Variants in GSX1 observed in about 807,000 individuals in gnomAD.
The protein encoded by GSX1 is GS homeo box protein 1.
A neutral mutation model predicts 17.7 loss-of-function variants in GSX1; 13 were observed. The ratio of observed to expected loss-of-function variants is 0.74; its 90% CI spans 0.48 to 1.17. GSX1 has a LOEUF of 1.17. Ranked by LOEUF, GSX1 falls within the 50% of genes most tolerant of loss-of-function variation. The probability of loss-of-function intolerance (pLI) is 0.00; values close to 1 mark genes in which losing one functional copy is unlikely to be tolerated. For synonymous variants in GSX1, 202 were observed against 176.2 expected (o/e 1.15, Z -1.16); for missense variants, 371 against 372.1 (o/e 1.00, Z 0.02).
At position 27,792,848 on chromosome 13, in the gene GSX1, G is replaced by A. The variant is rs993693093; in HGVS notation, c.158G>A (p.Gly53Glu). 3 of 1,517,412 alleles carry A rather than the reference G, an allele frequency of 2.0e-6. No homozygotes were observed. The highest frequency in any genetic ancestry group is 2.6e-6 in the Non-Finnish European group (3 of 1,139,654). The allele number at this position is 1,517,412 out of a possible 1,614,324, so 94.0% of individuals were successfully genotyped here. A position where few individuals can be genotyped will look rare whatever the true frequency, so the allele number is the denominator to read the frequency against. The change falls in exon 1 of 2, where the codon GGG (glycine) becomes GAG (glutamate). Residue 53 changes from glycine (G) to glutamate (E), a missense_variant. Coordinates refer to ENST00000302945, the MANE Select transcript of GSX1 (RefSeq NM_145657.3). ...SPGACHARKA[G>E]LLCVCPLCVT... is the part of the protein sequence containing the mutation. ...GGCGCCTGCCACGCGCGCAAGGCTG[G>A]GCTGCTGTGCGTGTGCCCGCTCTGC...
chr13:27,792,667 G>A lies in GSX1; in HGVS notation c.-24G>A. On this transcript the variant is annotated 5_prime_UTR_variant, in exon 1 of 2. Transcript: ENST00000302945. The stretch of plus-strand genomic sequence containing the variant: ...GGTGGGCGCAGAGGGCGGGCTGGCT[G>A]CGGGGCGACCGCGCGCCGGGGCCAT... 7.4e-7 allele frequency: 1 copy of A among 1,358,560 alleles called. No individual in the cohort carries two copies. Among genetic ancestry groups the A allele is most frequent in the Non-Finnish European group, 9.4e-7 (1 of 1,063,868 alleles). The allele number at this position is 1,358,560 out of a possible 1,614,324, so 84.2% of individuals were successfully genotyped here.
Position 27,793,975 on chromosome 13 carries a change from C to T in GSX1, c.*27C>T, listed in dbSNP as rs200605808. ...CGCGTGTCTCCCTAGGTCGCCCACC[C>T]CAAGACCTCCCTGCGCCTCGGAGAC... On this transcript the variant is annotated 3_prime_UTR_variant, in exon 2 of 2. Transcript: ENST00000302945. The surrounding 1 kb of genome is among the most constrained non-coding windows in gnomAD (Gnocchi z 6.2). The T allele has an allele frequency of 8.6e-6, 13 of 1,520,084 alleles. No homozygotes were observed. The highest frequency in any genetic ancestry group is 1.1e-5 in the Non-Finnish European group (12 of 1,136,146). The allele number at this position is 1,520,084 out of a possible 1,614,324, so 94.2% of individuals were successfully genotyped here.
chr13:27,794,009 G>T lies in GSX1; in HGVS notation c.*61G>T, dbSNP rs1957084854. 1.3e-5 allele frequency: 20 copies of T among 1,498,614 alleles called. No individual in the cohort carries two copies. Among genetic ancestry groups the T allele is most frequent in the Non-Finnish European group, 1.3e-5 (15 of 1,124,298 alleles). 92.8% of individuals were successfully genotyped at this position (1,498,614 alleles called of 1,614,324 possible). On this transcript the variant is annotated 3_prime_UTR_variant, in exon 2 of 2. Transcript: ENST00000302945. ...CCCTGCGCCTCGGAGACTAGTCCTG[G>T]GACTCAGCGCTGATTCCCAGGCACC...
Position 27,793,778 on chromosome 13 carries a change from A to AAGG in GSX1, c.625_626insAGG (p.Ser209delinsLysGly). ...GAAGCACAAGAAGGAGGGCAAGGGCAGCAACCATCGTGGCGGCGGCGGCGG... is the reference window on the plus strand; with the variant it reads ...GAAGCACAAGAAGGAGGGCAAGGGCAAGGGCAACCATCGTGGCGGCGGCGGCGG... On this transcript the variant is annotated protein_altering_variant, in exon 2 of 2. Coordinates refer to ENST00000302945, the MANE Select transcript of GSX1 (RefSeq NM_145657.3). This position sits in a 1 kb window ranked among gnomAD's most constrained non-coding sequence, Gnocchi z 6.2. The AAGG allele has an allele frequency of 6.2e-7, 1 of 1,614,122 alleles. No homozygotes were observed.
Position 27,792,615 on chromosome 13 carries a change from G to A in GSX1, c.-76G>A, listed in dbSNP as rs963462265. 3.2e-6 allele frequency: 4 copies of A among 1,235,596 alleles called. No individual in the cohort carries two copies. Among genetic ancestry groups the A allele is most frequent in the African/African-American group, 3.2e-5 (2 of 62,940 alleles). 76.5% of individuals were successfully genotyped at this position (1,235,596 alleles called of 1,614,324 possible). A position where few individuals can be genotyped will look rare whatever the true frequency, so the allele number is the denominator to read the frequency against. ...GCAGCTGCGGGATACCGCGGCCAGGGAAAGCGCGTGGAGAGCCGAAAGGTG... is the reference window on the plus strand; with the variant it reads ...GCAGCTGCGGGATACCGCGGCCAGGAAAAGCGCGTGGAGAGCCGAAAGGTG... On this transcript the variant is annotated 5_prime_UTR_variant, in exon 1 of 2. Transcript: ENST00000302945.
Position 27,793,391 on chromosome 13 carries a change from A to G in GSX1, c.413-175A>G. The stretch of plus-strand genomic sequence containing the variant: ...TTCCAGGGCTGCATGACTCCGGGAG[A>G]ATCAGGATCTCGGAGCTGGACAAGG... On this transcript the variant is annotated intron_variant, in intron 1 of 1. Coordinates refer to ENST00000302945, the MANE Select transcript of GSX1 (RefSeq NM_145657.3). The surrounding 1 kb of genome is among the most constrained non-coding windows in gnomAD (Gnocchi z 6.2). 6.6e-6 allele frequency among the ~76,000 whole-genome samples: 1 copy of G among 152,026 alleles called. No individual in the cohort carries two copies.
Position 27,793,041 on chromosome 13 carries a change from C to T in GSX1, c.351C>T (p.Ala117=), listed in dbSNP as rs1038615850. 2 of 1,587,654 alleles carry T rather than the reference C, an allele frequency of 1.3e-6. No homozygotes were observed. The highest frequency in any genetic ancestry group is 1.7e-6 in the Non-Finnish European group (2 of 1,174,506). The change falls in exon 1 of 2, where the codon GCC becomes GCT. Residue 117 remains alanine, a synonymous_variant. Coordinates refer to ENST00000302945, the MANE Select transcript of GSX1 (RefSeq NM_145657.3). The surrounding 1 kb of genome is among the most constrained non-coding windows in gnomAD (Gnocchi z 6.2). ...GCCCGGCCGCCGCTGCTGCTGCCGC[C>T]GCGCTCTACCAGACCTCCTACCCGC... ...AHGPAAAAAA[A]ALYQTSYPLP...
At position 27,792,669 on chromosome 13, in the gene GSX1, G is replaced by C. The variant is rs910456597; in HGVS notation, c.-22G>C. ...TGGGCGCAGAGGGCGGGCTGGCTGCGGGGCGACCGCGCGCCGGGGCCATGC... is the reference window on the plus strand; with the variant it reads ...TGGGCGCAGAGGGCGGGCTGGCTGCCGGGCGACCGCGCGCCGGGGCCATGC... On this transcript the variant is annotated 5_prime_UTR_variant, in exon 1 of 2. Coordinates refer to ENST00000302945, the MANE Select transcript of GSX1 (RefSeq NM_145657.3). The C allele has an allele frequency of 4.2e-5, 57 of 1,358,358 alleles. No homozygotes were observed. The highest frequency in any genetic ancestry group is 5.2e-5 in the Non-Finnish European group (55 of 1,063,566). The allele number at this position is 1,358,358 out of a possible 1,614,324, so 84.1% of individuals were successfully genotyped here. A position where few individuals can be genotyped will look rare whatever the true frequency, so the allele number is the denominator to read the frequency against.
At position 27,794,324 on chromosome 13, in the gene GSX1, C is replaced by T. The variant is rs1045383593; in HGVS notation, c.*376C>T. On this transcript the variant is annotated 3_prime_UTR_variant, in exon 2 of 2. Transcript: ENST00000302945. ...CTTGGGCTTCCTCGCTTACTCTACT[C>T]TCCTCCGCTCTCGGTCAAGGTCGGC... is the stretch of plus-strand genomic sequence containing the variant. The T allele has an allele frequency of 5.0e-6, 1 of 199,760 alleles. No homozygotes were observed. Among genetic ancestry groups the T allele is most frequent in the East Asian group, 1.1e-4 (1 of 8,722 alleles). The allele number at this position is 199,760 out of a possible 1,614,324, so 12.4% of individuals were successfully genotyped here.
In GSX1 at chr13:27,793,543, C is replaced by A; in HGVS notation, c.413-23C>A. The A allele has an allele frequency of 6.3e-7, 1 of 1,593,732 alleles. No homozygotes were observed. The highest frequency in any genetic ancestry group is 1.1e-5 in the South Asian group (1 of 87,932). ...CACAGCACAGAGGTCTGATCGCTTC[C>A]TTCTCTGCTCTGCCACCTCCAGACA... On this transcript the variant is annotated intron_variant, in intron 1 of 1. Coordinates refer to ENST00000302945, the MANE Select transcript of GSX1 (RefSeq NM_145657.3). This position sits in a 1 kb window ranked among gnomAD's most constrained non-coding sequence, Gnocchi z 6.2.
rs867334741 is a variant in GSX1 at position 27,793,811 on chromosome 13, G to A, written c.658G>A (p.Gly220Ser). The change falls in exon 2 of 2, where the codon GGT becomes AGT. Residue 220 changes from glycine (G) to serine (S), a missense_variant. Physicochemically the swap from Gly to Ser is moderately conservative, Grantham distance 56 (BLOSUM62 0). Coordinates refer to ENST00000302945, the MANE Select transcript of GSX1 (RefSeq NM_145657.3). This position sits in a 1 kb window ranked among gnomAD's most constrained non-coding sequence, Gnocchi z 6.2. ...TCGTGGCGGCGGCGGCGGGGGTGCC[G>A]GTGGTGGCGGGAGCGCACCGCAAGG... ...NHRGGGGGGA[G>S]GGGSAPQGCK... The A allele has an allele frequency of 6.2e-7, 1 of 1,613,418 alleles. No homozygotes were observed. The highest frequency in any genetic ancestry group is 8.5e-7 in the Non-Finnish European group (1 of 1,179,688).
Position 27,794,713 on chromosome 13 carries a change from A to T in GSX1, c.*765A>T, listed in dbSNP as rs1244448881. On this transcript the variant is annotated 3_prime_UTR_variant, in exon 2 of 2. Transcript: ENST00000302945. ...GGCGACCCCACTCTTCCCCCTCCAG[A>T]CTCTGGCCCGCCCCAGCCTAGCTGT... 6.6e-6 allele frequency: 1 copy of T among 151,170 alleles called. No individual in the cohort carries two copies. Among genetic ancestry groups the T allele is most frequent in the Non-Finnish European group, 1.5e-5 (1 of 67,716 alleles). 9.4% of individuals were successfully genotyped at this position (151,170 alleles called of 1,614,324 possible). A position where few individuals can be genotyped will look rare whatever the true frequency, so the allele number is the denominator to read the frequency against.
In GSX1 at chr13:27,792,682, G is replaced by GC. The variant is rs1957073340; in HGVS notation, c.-7dup. 2 of 1,373,848 alleles carry GC rather than the reference G, an allele frequency of 1.5e-6. No homozygotes were observed. The highest frequency in any genetic ancestry group is 1.9e-6 in the Non-Finnish European group (2 of 1,072,120). 85.1% of individuals were successfully genotyped at this position (1,373,848 alleles called of 1,614,324 possible). ...CGGGCTGGCTGCGGGGCGACCGCGCGCCGGGGCCATGCCGCGCTCCTTCCT... is the reference window on the plus strand; with the variant it reads ...CGGGCTGGCTGCGGGGCGACCGCGCGCCCGGGGCCATGCCGCGCTCCTTCCT... On this transcript the variant is annotated 5_prime_UTR_variant, in exon 1 of 2. Coordinates refer to ENST00000302945, the MANE Select transcript of GSX1 (RefSeq NM_145657.3).
At position 27,794,102 on chromosome 13, in the gene GSX1, T is replaced by C; in HGVS notation, c.*154T>C. ...CAGAGGTCCCGGGCCTGGGCAGGGC[T>C]GAGAGCTTGGCAGAGACTGGACCAT... On this transcript the variant is annotated 3_prime_UTR_variant, in exon 2 of 2. Coordinates refer to ENST00000302945, the MANE Select transcript of GSX1 (RefSeq NM_145657.3). 1.2e-6 allele frequency: 1 copy of C among 843,426 alleles called. No individual in the cohort carries two copies. The highest frequency in any genetic ancestry group is 1.9e-5 in the South Asian group (1 of 52,034). 52.2% of individuals were successfully genotyped at this position (843,426 alleles called of 1,614,324 possible).
rs1957077529 is a variant in GSX1, at chr13:27,793,157, G to C, written c.412+55G>C. ...GGCAGAGGTGATCCGAAGCAGGATG[G>C]AGAGCCAGAGATGGAGGAAGAGGGA... On this transcript the variant is annotated intron_variant, in intron 1 of 1. Transcript: ENST00000302945. The surrounding 1 kb of genome is among the most constrained non-coding windows in gnomAD (Gnocchi z 6.2). 1 of 1,439,364 alleles carries C rather than the reference G, an allele frequency of 6.9e-7. No individual in the cohort carries two copies. The highest frequency in any genetic ancestry group is 2.6e-5 in the Admixed American group (1 of 38,178). The allele number at this position is 1,439,364 out of a possible 1,614,324, so 89.2% of individuals were successfully genotyped here. A position where few individuals can be genotyped will look rare whatever the true frequency, so the allele number is the denominator to read the frequency against.
chr13:27,792,905 G>C lies in GSX1; in HGVS notation c.215G>C (p.Gly72Ala). ...GCCTCGCAGCTGCATGGGCCCCCCG[G>C]GCCGCCCGCGCTGCCTCTACTCAAG... is the stretch of plus-strand genomic sequence containing the variant. Reference protein sequence around the residue: ...VTASQLHGPPGPPALPLLKAS... With the variant: ...VTASQLHGPPAPPALPLLKAS... The change falls in exon 1 of 2, where the codon GGG (glycine) becomes GCG (alanine). Residue 72 changes from glycine (G) to alanine (A), a missense_variant. Coordinates refer to ENST00000302945, the MANE Select transcript of GSX1 (RefSeq NM_145657.3). 6.6e-7 allele frequency: 1 copy of C among 1,525,864 alleles called. No individual in the cohort carries two copies. Among genetic ancestry groups the C allele is most frequent in the Non-Finnish European group, 8.8e-7 (1 of 1,141,220 alleles). The allele number at this position is 1,525,864 out of a possible 1,614,324, so 94.5% of individuals were successfully genotyped here.
In GSX1 at chr13:27,794,010, G is replaced by C. The variant is rs1957084868; in HGVS notation, c.*62G>C. 1.3e-6 allele frequency: 2 copies of C among 1,495,596 alleles called. No individual in the cohort carries two copies. The highest frequency in any genetic ancestry group is 2.3e-5 in the East Asian group (1 of 43,820). 92.6% of individuals were successfully genotyped at this position (1,495,596 alleles called of 1,614,324 possible). A position where few individuals can be genotyped will look rare whatever the true frequency, so the allele number is the denominator to read the frequency against. On this transcript the variant is annotated 3_prime_UTR_variant, in exon 2 of 2. Coordinates refer to ENST00000302945, the MANE Select transcript of GSX1 (RefSeq NM_145657.3). ...CCTGCGCCTCGGAGACTAGTCCTGG[G>C]ACTCAGCGCTGATTCCCAGGCACCC... is the stretch of plus-strand genomic sequence containing the variant.
rs565230789 is a variant in GSX1, at chr13:27,793,216, C to T, written c.412+114C>T. Reference sequence around the variant, plus strand: ...TTTCTGGGGGCGGTGAGGGTCATGTCGGGGACTAAGGGGGGCGCTTGGGGT... The same window carrying T: ...TTTCTGGGGGCGGTGAGGGTCATGTTGGGGACTAAGGGGGGCGCTTGGGGT... On this transcript the variant is annotated intron_variant, in intron 1 of 1. Coordinates refer to ENST00000302945, the MANE Select transcript of GSX1 (RefSeq NM_145657.3). The surrounding 1 kb of genome is among the most constrained non-coding windows in gnomAD (Gnocchi z 6.2). 4.7e-4 allele frequency: 567 copies of T among 1,202,088 alleles called. 4 individuals are homozygous for T. The highest frequency in any genetic ancestry group is 1.2e-3 in the Admixed American group (39 of 33,486). 74.5% of individuals were successfully genotyped at this position (1,202,088 alleles called of 1,614,324 possible).
In GSX1 at chr13:27,794,014, C is replaced by G. The variant is rs181934058; in HGVS notation, c.*66C>G. 8.1e-6 allele frequency: 12 copies of G among 1,483,904 alleles called. No homozygotes were observed. In the East Asian group the frequency reaches 2.5e-4, roughly 31 times the overall value. The allele number at this position is 1,483,904 out of a possible 1,614,324, so 91.9% of individuals were successfully genotyped here. On this transcript the variant is annotated 3_prime_UTR_variant, in exon 2 of 2. Coordinates refer to ENST00000302945, the MANE Select transcript of GSX1 (RefSeq NM_145657.3). ...CGCCTCGGAGACTAGTCCTGGGACT[C>G]AGCGCTGATTCCCAGGCACCCGCAG...
Sources: allele counts gnomAD v4.1 joint callset (sites outside exome capture counted in the v4.1 genomes callset), GRCh38; gene constraint gnomAD v4.1.1; non-coding constraint Gnocchi (gnomAD v3.1); transcripts MANE v1.5; gene names NCBI Gene and HGNC (gene_info 2026-07-23, HGNC 2026-07-21).